Variants in TBC1D22A observed in about 807,000 individuals in gnomAD.
TBC1D22A encodes TBC1 domain family member 22A, also known as putative GTPase activator.
In TBC1D22A, 38 loss-of-function variants were observed where a neutral mutation model predicts 60.2. That is an observed-to-expected ratio of 0.63 (90% CI 0.49 to 0.83). The LOEUF is 0.83. Ranked by LOEUF, TBC1D22A falls within the 40% of genes least tolerant of loss-of-function variation. The pLI, the probability that TBC1D22A is intolerant of heterozygous loss-of-function variation, is 0.00. For missense variants in TBC1D22A, 628 were observed against 701.0 expected (o/e 0.90, Z 1.18); for synonymous variants, 302 against 281.7 (o/e 1.07, Z -0.72).
rs186984727 is a variant in TBC1D22A at position 46,805,003 on chromosome 22, G to A, written c.637+7383G>A. 2.6e-5 allele frequency among the ~76,000 whole-genome samples: 4 copies of A among 152,272 alleles called. No individual in the cohort carries two copies. In the East Asian group the frequency reaches 5.8e-4, roughly 22 times the overall value. ...AGGGATAGGAGAAGGAAAGTAGGGC[G>A]AGTATGGCAGGATCCCCAGGGACTC... On this transcript the variant is annotated intron_variant, in intron 4 of 12. Transcript: ENST00000337137.
intron 3 of TBC1D22A, among the ~76,000 whole-genome samples, chr22:46,795,156 A>T (rs992807276): frequency 5.3e-5 from 8 of 152,182 alleles, no homozygotes; most frequent in Non-Finnish European, 8.8e-5. Flanking sequence ...CCTTTGCGGG[A>T]GGCTTGGAAA....
chr22:46,917,976 TG>T (rs2070492168), intron 8 of TBC1D22A, among the ~76,000 whole-genome samples: 1 of 152,176 alleles, frequency 6.6e-6, no homozygotes, highest in Non-Finnish European at 1.5e-5. Context: ...GCCTGACCGC[TG>T]GGGTCCAGAT....
At chr22:46,882,635 C>T (rs954856673) in intron 5 of TBC1D22A, among the ~76,000 whole-genome samples, 9 of 152,122 alleles carry the variant, frequency 5.9e-5, no homozygotes, top group African/African-American at 1.9e-4. Flanking sequence ...GAGCCATGAG[C>T]GTGTTGTCTG....
chr22:46,941,727 GTATATACGGAATATATATATGCGGAATA>G (rs2072136995), intron 8 of TBC1D22A, among the ~76,000 whole-genome samples: 2 of 118,220 alleles, frequency 1.7e-5, no homozygotes, highest in African/African-American at 3.8e-5. Flanking sequence ...TACGCGGAAT[GTATATACGGAATATATATATGCGGAATA>G]TATATATACG....
At chr22:47,173,461 C>T (rs775178435) in intron 12 of TBC1D22A, 37 bp from the exon 13 acceptor site, 4 of 1,608,248 alleles carry the variant, frequency 2.5e-6, no homozygotes, top group Non-Finnish European at 2.6e-6. Context: ...CACCGTGGGT[C>T]ACCTCCTCTG....
rs9616202 is a variant in TBC1D22A at position 47,021,178 on chromosome 22, A to G, written c.1202-15893A>G. Among the ~76,000 whole-genome samples, 1,106 of 150,754 alleles carry G rather than the reference A, an allele frequency of 7.3e-3. 12 individuals are homozygous for G. Among genetic ancestry groups the G allele is most frequent in the African/African-American group, 0.019 (771 of 40,636 alleles). On this transcript the variant is annotated intron_variant, in intron 10 of 12. Coordinates refer to ENST00000337137, the MANE Select transcript of TBC1D22A (RefSeq NM_014346.5). Reference sequence around the variant, plus strand: ...GCCTGGAGCCCTGAGCAGGGAACCTAGCAGAACTCCACCTGTAGCCTGGAG... The same window carrying G: ...GCCTGGAGCCCTGAGCAGGGAACCTGGCAGAACTCCACCTGTAGCCTGGAG...
At chr22:47,130,493 G>T (rs1196842542) in intron 12 of TBC1D22A, among the ~76,000 whole-genome samples, 1 of 152,230 alleles carries the variant, frequency 6.6e-6, no homozygotes, top group Admixed American at 6.5e-5. Flanking sequence ...TCTGGATGGA[G>T]GGTGGAGGGT....
intron 12 of TBC1D22A, among the ~76,000 whole-genome samples, chr22:47,121,516 C>T (rs973896155): frequency 1.3e-5 from 2 of 152,124 alleles, no homozygotes; most frequent in Non-Finnish European, 2.9e-5. Context: ...CAAATGTTTT[C>T]ATTGCGTTTC....
chr22:47,076,359 G>GTATATATATATATATA (rs1375339824), intron 11 of TBC1D22A, among the ~76,000 whole-genome samples: 2 of 85,158 alleles, frequency 2.3e-5, no homozygotes, highest in Admixed American at 1.5e-4. Flanking sequence ...ATATATGTGT[G>GTATATATATATATATA]TGTATATATA....
chr22:47,155,702 G>A (rs538836131), intron 12 of TBC1D22A, among the ~76,000 whole-genome samples: 3 of 152,070 alleles, frequency 2.0e-5, no homozygotes, highest in Non-Finnish European at 2.9e-5. Flanking sequence ...GTTCTCCCAC[G>A]GTCTCCTGTG....
intron 4 of TBC1D22A, among the ~76,000 whole-genome samples, chr22:46,850,487 T>C (rs2087221773): frequency 6.6e-6 from 1 of 152,088 alleles, no homozygotes; most frequent in Non-Finnish European, 1.5e-5. Flanking sequence ...AGGATGATTA[T>C]AATAAAAAAG....
chr22:47,005,023 A>G (rs762873208), intron 10 of TBC1D22A, among the ~76,000 whole-genome samples: 1 of 151,664 alleles, frequency 6.6e-6, no homozygotes, highest in Admixed American at 6.6e-5. Context: ...ATCCCTATAC[A>G]TATAGACAGG....
At chr22:46,894,485 G>A (rs1469616907) in intron 6 of TBC1D22A, among the ~76,000 whole-genome samples, 3 of 152,188 alleles carry the variant, frequency 2.0e-5, no homozygotes, top group African/African-American at 7.2e-5. Context: ...TAATTGCTAT[G>A]GCTGATGTTA....
chr22:46,852,982 C>T (rs1459959826), intron 4 of TBC1D22A, among the ~76,000 whole-genome samples: 9 of 152,158 alleles, frequency 5.9e-5, no homozygotes, highest in Non-Finnish European at 1.3e-4. Flanking sequence ...CAGTCCATTG[C>T]CTGCACACTG....
rs181992669 is a variant in TBC1D22A, at chr22:47,156,311, T to A, written c.1426-17187T>A. Among the ~76,000 whole-genome samples the A allele has an allele frequency of 3.0e-3, 454 of 152,240 alleles. 1 individual carries two copies. The highest frequency in any genetic ancestry group is 6.8e-3 in the Middle Eastern group (2 of 294). ...TTTCAGGGCCAAGTAGGGACACATT[T>A]AGTGGGGACAGCCCCTGTAACCCTC... On this transcript the variant is annotated intron_variant, in intron 12 of 12. Transcript: ENST00000337137.
At chr22:47,160,388 G>A (rs563100148) in intron 12 of TBC1D22A, among the ~76,000 whole-genome samples, 78 of 152,336 alleles carry the variant, frequency 5.1e-4, no homozygotes, top group African/African-American at 1.9e-3. Flanking sequence ...GTGGCCCATT[G>A]ATCCTACCCG....
chr22:46,812,577 T>C (rs1184182825), intron 4 of TBC1D22A, among the ~76,000 whole-genome samples: 1 of 152,238 alleles, frequency 6.6e-6, no homozygotes, highest in Non-Finnish European at 1.5e-5. Flanking sequence ...ACTGCCGCCT[T>C]TCTGCTGGCT....
chr22:46,879,390 G>C (rs1037238596), intron 5 of TBC1D22A, among the ~76,000 whole-genome samples: 15 of 152,326 alleles, frequency 9.8e-5, no homozygotes, highest in African/African-American at 3.4e-4. Flanking sequence ...CACCATTTCA[G>C]AATTGTTTAT....
chr22:47,138,677 T>G (rs1056355968), intron 12 of TBC1D22A, among the ~76,000 whole-genome samples: 1 of 152,212 alleles, frequency 6.6e-6, no homozygotes, highest in Non-Finnish European at 1.5e-5. Context: ...CGGGCTGGTA[T>G]AACAAAATAG....
Sources: gnomAD v4.1 joint callset for allele counts (sites outside exome capture counted in the v4.1 genomes callset) on GRCh38, gnomAD v4.1.1 for gene constraint, MANE v1.5 for transcripts, NCBI Gene and HGNC (gene_info 2026-07-23, HGNC 2026-07-21) for gene names.